BBX: variants seen among roughly 807,000 people sequenced by gnomAD.
The protein encoded by BBX is BBX high mobility group box domain containing, also known as HMG box transcription factor BBX.
BBX carries 30 observed loss-of-function variants against 100.2 expected under a neutral mutation model. The ratio of observed to expected loss-of-function variants is 0.30; its 90% CI spans 0.22 to 0.41. The LOEUF is 0.41. Among genes scored for constraint, BBX ranks in the 10% least tolerant of loss-of-function variants. The pLI, the probability that BBX is intolerant of heterozygous loss-of-function variation, is 1.00. For missense variants in BBX, 1,023 were observed against 1,129.8 expected, an observed-to-expected ratio of 0.91 and a Z score of 1.35; for synonymous variants, 376 against 388.1, an observed-to-expected ratio of 0.97 and a Z score of 0.37.
intron 10 of BBX, among the ~76,000 whole-genome samples, chr3:107,769,056 T>A (rs1240767126): frequency 6.6e-6 from 1 of 151,336 alleles, no homozygotes; most frequent in African/African-American, 2.4e-5. Context: ...TAGTCCTAGC[T>A]ACTCGGGAGG....
intron 5 of BBX, among the ~76,000 whole-genome samples, chr3:107,725,646 G>A (rs1276205219): frequency 2.6e-5 from 4 of 152,004 alleles, no homozygotes; most frequent in Non-Finnish European, 5.9e-5. Flanking sequence ...GGTATTTGAT[G>A]CCAATGCTAA....
chr3:107,651,059 T>C (rs1283785030), intron 3 of BBX, among the ~76,000 whole-genome samples: 1 of 152,164 alleles, frequency 6.6e-6, no homozygotes, highest in Non-Finnish European at 1.5e-5. Context: ...GCCCCACCCA[T>C]ATGACCTTGC....
intron 5 of BBX, among the ~76,000 whole-genome samples, chr3:107,726,881 G>T (rs2062983623): frequency 1.3e-5 from 2 of 152,082 alleles, no homozygotes; most frequent in Non-Finnish European, 2.9e-5. Context: ...GATGTGGATA[G>T]GTGAGTGGAA....
rs1248333439 is a variant in BBX, at chr3:107,805,277, C to G, written c.2739-93C>G. 6.7e-6 allele frequency: 9 copies of G among 1,347,590 alleles called. No homozygotes were observed. In the East Asian group the frequency reaches 2.1e-4, roughly 32 times the overall value. The allele number at this position is 1,347,590 out of a possible 1,614,324, so 83.5% of individuals were successfully genotyped here. ...GTAAGTAACAGCAGTAACTGTTAAA[C>G]AAGATATTGGAACACACTTGTTATT... On this transcript the variant is annotated intron_variant, in intron 17 of 17. Transcript: ENST00000325805.
At chr3:107,693,867 A>AT (rs1329991183) in intron 3 of BBX, among the ~76,000 whole-genome samples, 1 of 149,510 alleles carries the variant, frequency 6.7e-6, no homozygotes, top group Non-Finnish European at 1.5e-5. Flanking sequence ...ATCCTCTTTT[A>AT]TTTCCTTGAG....
At chr3:107,610,068 A>G (rs907117794) in intron 2 of BBX, among the ~76,000 whole-genome samples, 1 of 151,808 alleles carries the variant, frequency 6.6e-6, no homozygotes, top group Non-Finnish European at 1.5e-5. Flanking sequence ...GTTTGTTTGT[A>G]TATGTTTCCA....
At chr3:107,756,504 T>G (rs986398975) in intron 10 of BBX, among the ~76,000 whole-genome samples, 6 of 152,174 alleles carry the variant, frequency 3.9e-5, no homozygotes, top group Non-Finnish European at 7.3e-5. Context: ...TTTGTAAATT[T>G]TTTGTAGTTT....
chr3:107,751,754 C>T (rs1028745876), intron 9 of BBX, among the ~76,000 whole-genome samples: 2 of 149,130 alleles, frequency 1.3e-5, no homozygotes, highest in Non-Finnish European at 3.0e-5. Flanking sequence ...GACAGTTTCT[C>T]ACTCACCACC....
At chr3:107,745,174 T>G (rs2064469208) in intron 8 of BBX, among the ~76,000 whole-genome samples, 1 of 152,226 alleles carries the variant, frequency 6.6e-6, no homozygotes, top group Non-Finnish European at 1.5e-5. Flanking sequence ...AGTCTTCTTT[T>G]GTCAGACTTG....
At chr3:107,527,765 A>G (rs1190893490) in intron 2 of BBX, among the ~76,000 whole-genome samples, 3 of 152,234 alleles carry the variant, frequency 2.0e-5, no homozygotes, top group Admixed American at 6.5e-5. Flanking sequence ...AGAAGGTTCT[A>G]TAAGTTGAAT....
intron 5 of BBX, among the ~76,000 whole-genome samples, chr3:107,725,415 G>A (rs892026475): frequency 2.6e-5 from 4 of 152,008 alleles, no homozygotes; most frequent in Non-Finnish European, 4.4e-5. Flanking sequence ...TCTCCTGCCT[G>A]ATTGCCCTGG....
At chr3:107,691,310 A>G (rs1398780605) in intron 3 of BBX, among the ~76,000 whole-genome samples, 1 of 152,208 alleles carries the variant, frequency 6.6e-6, no homozygotes, top group Non-Finnish European at 1.5e-5. Context: ...AATCTTTTGT[A>G]AATAAATGTC....
At chr3:107,552,545 G>T (rs149838028) in intron 2 of BBX, among the ~76,000 whole-genome samples, 1 of 152,012 alleles carries the variant, frequency 6.6e-6, no homozygotes, top group Admixed American at 6.6e-5. Context: ...ACGAGCTTTC[G>T]CTATGGTAGG....
At chr3:107,713,705 T>TA (rs1462219839) in intron 4 of BBX, among the ~76,000 whole-genome samples, 1 of 152,146 alleles carries the variant, frequency 6.6e-6, no homozygotes, top group Non-Finnish European at 1.5e-5. Context: ...ACTGCTGGTT[T>TA]ACAGGATCAA....
intron 6 of BBX, among the ~76,000 whole-genome samples, chr3:107,730,382 A>G (rs1368062587): frequency 6.6e-6 from 1 of 152,180 alleles, no homozygotes; most frequent in Admixed American, 6.6e-5. Flanking sequence ...AAGAGTATAT[A>G]GATAACTGAC....
chr3:107,729,813 C>A (rs1421716069), intron 6 of BBX, among the ~76,000 whole-genome samples: 5 of 152,134 alleles, frequency 3.3e-5, no homozygotes, highest in African/African-American at 1.2e-4. Flanking sequence ...TTGAGTGATA[C>A]TGTGATAACA....
chr3:107,645,587 G>A (rs1261210320), intron 2 of BBX, among the ~76,000 whole-genome samples: 2 of 152,120 alleles, frequency 1.3e-5, no homozygotes, highest in African/African-American at 4.8e-5. Flanking sequence ...CTTAGTATGT[G>A]TAACCTTAAT....
At chr3:107,791,770 A>G (rs1293353192) in intron 15 of BBX, among the ~76,000 whole-genome samples, 1 of 152,208 alleles carries the variant, frequency 6.6e-6, no homozygotes, top group African/African-American at 2.4e-5. Flanking sequence ...CGGGAGGCCA[A>G]GGCGGGCAGA....
At chr3:107,670,895 G>C (rs1208585723) in intron 3 of BBX, among the ~76,000 whole-genome samples, 2 of 152,008 alleles carry the variant, frequency 1.3e-5, no homozygotes, top group Non-Finnish European at 2.9e-5. Flanking sequence ...TGGAAGGCTG[G>C]TGTTTGTTTT....
Sources: gnomAD v4.1 joint callset for allele counts (sites outside exome capture counted in the v4.1 genomes callset) on GRCh38, gnomAD v4.1.1 for gene constraint, MANE v1.5 for transcripts, NCBI Gene and HGNC (gene_info 2026-07-23, HGNC 2026-07-21) for gene names.